The following PGCKA1 variants were observed in gnomAD, a reference collection of about 807,000 sequenced individuals.
PGCKA1 encodes the protein PDCD10 and GCKIII kinases associated 1.
the PGCKA1 span, among the ~76,000 whole-genome samples, chr4:37,509,481 T>G: frequency 6.8e-6 from 1 of 146,072 alleles, no homozygotes; most frequent in Admixed American, 6.8e-5. Context: ...CTAGACGGGA[T>G]GGCAGCCGGG....
the PGCKA1 span, among the ~76,000 whole-genome samples, chr4:37,462,405 G>C: frequency 3.9e-5 from 6 of 152,178 alleles, no homozygotes; most frequent in Non-Finnish European, 8.8e-5. Flanking sequence ...TTTCTATTTG[G>C]TCTTTGGAGG....
At chr4:37,496,388 G>A in the PGCKA1 span, among the ~76,000 whole-genome samples, 5 of 152,118 alleles carry the variant, frequency 3.3e-5, no homozygotes, top group African/African-American at 1.2e-4. Flanking sequence ...GTTTTTGTCA[G>A]CTTTATCAAA....
At chr4:37,543,883 A>G in the PGCKA1 span, among the ~76,000 whole-genome samples, 2 of 151,938 alleles carry the variant, frequency 1.3e-5, no homozygotes, top group Non-Finnish European at 2.9e-5. Context: ...TCCAATCTGA[A>G]CAAGCTGTGC....
the PGCKA1 span, among the ~76,000 whole-genome samples, chr4:37,457,123 T>C: frequency 3.9e-5 from 6 of 152,264 alleles, no homozygotes; most frequent in Non-Finnish European, 8.8e-5. Context: ...TTTCACATTT[T>C]CAACAACCTA....
the PGCKA1 span, among the ~76,000 whole-genome samples, chr4:37,486,517 C>G: frequency 6.6e-5 from 10 of 152,288 alleles, no homozygotes; most frequent in East Asian, 1.9e-3. Flanking sequence ...AGCACCGAGC[C>G]TTTGTCAAAG....
At chr4:37,510,225 T>G in the PGCKA1 span, among the ~76,000 whole-genome samples, 1 of 152,162 alleles carries the variant, frequency 6.6e-6, no homozygotes, top group Non-Finnish European at 1.5e-5. Context: ...GTTCCTTATC[T>G]AGTTTGGTGA....
chr4:37,468,209 T>C, the PGCKA1 span, among the ~76,000 whole-genome samples: 5 of 152,200 alleles, frequency 3.3e-5, no homozygotes, highest in Non-Finnish European at 7.3e-5. Flanking sequence ...TAGGTCCTTT[T>C]CACACAGTGT....
the PGCKA1 span, among the ~76,000 whole-genome samples, chr4:37,515,617 T>C: frequency 1.3e-5 from 2 of 152,226 alleles, no homozygotes; most frequent in East Asian, 3.8e-4. Context: ...AGTCTACTGT[T>C]TTTTATGCTG....
At chr4:37,519,328 A>G in the PGCKA1 span, among the ~76,000 whole-genome samples, 1 of 152,076 alleles carries the variant, frequency 6.6e-6, no homozygotes, top group African/African-American at 2.4e-5. Flanking sequence ...ATTTCGATAC[A>G]GATTACATTG....
chr4:37,526,850 A>C, the PGCKA1 span, among the ~76,000 whole-genome samples: 1 of 152,160 alleles, frequency 6.6e-6, no homozygotes, highest in Non-Finnish European at 1.5e-5. Context: ...GAGAGAGTAC[A>C]TCTTCCACTT....
the PGCKA1 span, among the ~76,000 whole-genome samples, chr4:37,514,050 G>C: frequency 1.3e-4 from 20 of 152,152 alleles, no homozygotes; most frequent in Non-Finnish European, 1.9e-4. Context: ...TAGGAGGCTG[G>C]AAAGTCAAAA....
the PGCKA1 span, among the ~76,000 whole-genome samples, chr4:37,586,962 C>T: frequency 1.3e-5 from 2 of 152,094 alleles, no homozygotes; most frequent in African/African-American, 4.8e-5. Context: ...TCTCCCAGTT[C>T]TAGAGACCAG....
the PGCKA1 span, among the ~76,000 whole-genome samples, chr4:37,478,151 C>G: frequency 0.25 from 30,544 of 122,118 alleles, 4,344 homozygotes; most frequent in Admixed American, 0.29. Context: ...CACCCCCCCC[C>G]ACCGCCACTT....
chr4:37,527,585 C>T, the PGCKA1 span, among the ~76,000 whole-genome samples: 3 of 151,136 alleles, frequency 2.0e-5, no homozygotes, highest in Non-Finnish European at 2.9e-5. Flanking sequence ...TTTGGGAGGC[C>T]GAGGTGGGCA....
chr4:37,473,183 T>G, the PGCKA1 span, among the ~76,000 whole-genome samples: 1 of 152,134 alleles, frequency 6.6e-6, no homozygotes, highest in African/African-American at 2.4e-5. Flanking sequence ...GAAAGCAAAA[T>G]TATTTCCTTA....
chr4:37,455,958 C>T, the PGCKA1 span, among the ~76,000 whole-genome samples: 742 of 152,334 alleles, frequency 4.9e-3, 8 homozygotes, highest in African/African-American at 0.017. Flanking sequence ...TTCACATTCC[C>T]CTAGTTACAC....
chr4:37,499,917 A>ATTTTT, the PGCKA1 span, among the ~76,000 whole-genome samples: 1 of 71,554 alleles, frequency 1.4e-5, no homozygotes, highest in African/African-American at 5.7e-5. Context: ...GGTCTTCCTA[A>ATTTTT]CTTTTTTTTT....
At chr4:37,541,808 C>T in the PGCKA1 span, among the ~76,000 whole-genome samples, 2 of 152,102 alleles carry the variant, frequency 1.3e-5, no homozygotes, top group Admixed American at 6.6e-5. Context: ...AGGGAAGGCA[C>T]CAAGTTCAAG....
chr4:37,500,204 G>A, the PGCKA1 span, among the ~76,000 whole-genome samples: 1 of 152,170 alleles, frequency 6.6e-6, no homozygotes, highest in Non-Finnish European at 1.5e-5. Context: ...GATTACAGGT[G>A]TGAGCCACCG....
Sources: allele counts gnomAD v4.1 joint callset (sites outside exome capture counted in the v4.1 genomes callset), GRCh38; gene constraint gnomAD v4.1.1; transcripts MANE v1.5; gene names NCBI Gene and HGNC (gene_info 2026-07-23, HGNC 2026-07-21).